CLSTN2: variants seen among roughly 807,000 people sequenced by gnomAD.
CLSTN2 encodes the protein calsyntenin-2.
In CLSTN2, 48 loss-of-function variants were observed where a neutral mutation model predicts 101.2. The observed-to-expected ratio is 0.47, with a 90% CI of 0.38 to 0.60. The LOEUF (loss-of-function observed/expected upper bound fraction) is 0.60. Ranked by LOEUF, CLSTN2 falls within the 20% of genes least tolerant of loss-of-function variation. The probability of loss-of-function intolerance (pLI) is 0.00; values close to 1 mark genes in which losing one functional copy is unlikely to be tolerated. For synonymous variants in CLSTN2, 481 were observed against 463.6 expected (o/e 1.04, Z -0.48); for missense variants, 1,160 against 1,238.2 (o/e 0.94, Z 0.95).
chr3:140,313,691 G>C (rs1174666069), intron 2 of CLSTN2, among the ~76,000 whole-genome samples: 1 of 152,202 alleles, frequency 6.6e-6, no homozygotes, highest in Admixed American at 6.5e-5. Context: ...ACCAGCTACT[G>C]AGAGGCTATT....
At chr3:140,220,965 C>T (rs1391969792) in intron 2 of CLSTN2, among the ~76,000 whole-genome samples, 1 of 152,352 alleles carries the variant, frequency 6.6e-6, no homozygotes, top group South Asian at 2.1e-4. Context: ...GGAGCCCTGA[C>T]TTCCATGGAC....
chr3:140,295,222 T>C (rs1282525099), intron 2 of CLSTN2, among the ~76,000 whole-genome samples: 1 of 152,242 alleles, frequency 6.6e-6, no homozygotes, highest in Admixed American at 6.5e-5. Flanking sequence ...TTCATATGTT[T>C]ATTGGCTGTT....
intron 1 of CLSTN2, among the ~76,000 whole-genome samples, chr3:140,053,407 G>A (rs911471362): frequency 6.6e-6 from 1 of 152,170 alleles, no homozygotes; most frequent in Non-Finnish European, 1.5e-5. Context: ...TAAACTCGCT[G>A]GTCAGCTGGG....
At chr3:140,061,082 C>T (rs530152864) in intron 1 of CLSTN2, among the ~76,000 whole-genome samples, 11 of 152,272 alleles carry the variant, frequency 7.2e-5, no homozygotes, top group East Asian at 1.9e-4. Context: ...CAAGATTCCT[C>T]GAGGCTTTTC....
At chr3:140,308,622 G>A (rs1040444240) in intron 2 of CLSTN2, among the ~76,000 whole-genome samples, 3 of 152,210 alleles carry the variant, frequency 2.0e-5, no homozygotes, top group African/African-American at 7.2e-5. Context: ...CCTTCCCCAA[G>A]AGAACTGGTG....
chr3:140,206,799 T>A (rs1473298008), intron 2 of CLSTN2, among the ~76,000 whole-genome samples: 1 of 152,098 alleles, frequency 6.6e-6, no homozygotes, highest in Non-Finnish European at 1.5e-5. Context: ...TGGGCCTTTT[T>A]CTCTTTTGAG....
In CLSTN2 at chr3:140,318,500, C is replaced by T. The variant is rs144125581; in HGVS notation, c.233-85129C>T. Among the ~76,000 whole-genome samples the T allele has an allele frequency of 4.9e-4, 75 of 152,244 alleles. No individual in the cohort carries two copies. In the East Asian group the frequency reaches 5.8e-3, roughly 12 times the overall value. ...AGAGCAGCTATTGAAGAGCCCCTCT[C>T]GTATGTCTATGTCTAGGAGATTATC... On this transcript the variant is annotated intron_variant, in intron 2 of 16. Coordinates refer to ENST00000458420, the MANE Select transcript of CLSTN2 (RefSeq NM_022131.3).
chr3:140,562,050 T>C, intron 12 of CLSTN2, 88 bp from the exon 13 acceptor site: 1 of 1,193,304 alleles, frequency 8.4e-7, no homozygotes, highest in Non-Finnish European at 1.2e-6. Context: ...TAACCTGGGG[T>C]GCAATAACAG....
At chr3:140,021,422 G>T (rs2007313921) in intron 1 of CLSTN2, among the ~76,000 whole-genome samples, 1 of 152,158 alleles carries the variant, frequency 6.6e-6, no homozygotes, top group Non-Finnish European at 1.5e-5. Flanking sequence ...TGGCGTACCG[G>T]CAGCATTGCA....
chr3:140,548,816 C>T (rs1396937576), intron 10 of CLSTN2, among the ~76,000 whole-genome samples: 1 of 152,056 alleles, frequency 6.6e-6, no homozygotes, highest in East Asian at 1.9e-4. Context: ...AATGGGAAGC[C>T]ACTGAAGGCT....
chr3:140,423,876 T>C (rs1261741872), intron 5 of CLSTN2, among the ~76,000 whole-genome samples: 1 of 152,160 alleles, frequency 6.6e-6, no homozygotes, highest in African/African-American at 2.4e-5. Context: ...CCGGGATTAG[T>C]TCAGATTGTG....
chr3:140,492,091 G>A (rs1408638224), intron 8 of CLSTN2, among the ~76,000 whole-genome samples: 2 of 152,042 alleles, frequency 1.3e-5, no homozygotes, highest in African/African-American at 2.4e-5. Context: ...ATATGTTGGG[G>A]AAATGCAAAA....
At chr3:140,092,733 G>A (rs1211561618) in intron 1 of CLSTN2, among the ~76,000 whole-genome samples, 2 of 152,150 alleles carry the variant, frequency 1.3e-5, no homozygotes, top group African/African-American at 4.8e-5. Context: ...ATTACAACAC[G>A]AGGGAGTTCC....
chr3:140,353,957 C>T (rs2087638632), intron 2 of CLSTN2, among the ~76,000 whole-genome samples: 1 of 152,100 alleles, frequency 6.6e-6, no homozygotes, highest in Non-Finnish European at 1.5e-5. Flanking sequence ...CAAGAGTGGG[C>T]CTAAGGCAGA....
At chr3:140,052,184 A>G (rs1425146374) in intron 1 of CLSTN2, among the ~76,000 whole-genome samples, 1 of 152,134 alleles carries the variant, frequency 6.6e-6, no homozygotes, top group Non-Finnish European at 1.5e-5. Context: ...TTTGAGACAG[A>G]GTCTCGCTCT....
chr3:140,430,255 A>C (rs1304823969), intron 5 of CLSTN2, among the ~76,000 whole-genome samples: 5 of 152,136 alleles, frequency 3.3e-5, no homozygotes, highest in Admixed American at 3.3e-4. Context: ...TTATTTTAAT[A>C]GATAATCCCC....
intron 8 of CLSTN2, chr3:140,505,732 A>C (rs1242282093): frequency 6.6e-6 from 1 of 152,052 alleles, no homozygotes; most frequent in Non-Finnish European, 1.5e-5. Flanking sequence ...ATTTTTTTAA[A>C]CTTGCAAGGA....
chr3:140,185,974 GCT>G (rs1202000294), intron 2 of CLSTN2, among the ~76,000 whole-genome samples: 3 of 152,168 alleles, frequency 2.0e-5, no homozygotes, highest in Non-Finnish European at 4.4e-5. Flanking sequence ...AGTAAGAATA[GCT>G]CTGTCCTTGG....
At chr3:140,171,650 C>CGTATTATATATTATATATAATAT (rs2010217124) in intron 1 of CLSTN2, among the ~76,000 whole-genome samples, 1 of 38,358 alleles carries the variant, frequency 2.6e-5, no homozygotes, top group Non-Finnish European at 5.1e-5. Context: ...ATATATAATA[C>CGTATTATATATTATATATAATAT]GTATTATATA....
Sources: gnomAD v4.1 joint callset for allele counts (sites outside exome capture counted in the v4.1 genomes callset) on GRCh38, gnomAD v4.1.1 for gene constraint, MANE v1.5 for transcripts, NCBI Gene and HGNC (gene_info 2026-07-23, HGNC 2026-07-21) for gene names.